CFAP53: variants seen among roughly 807,000 people sequenced by gnomAD.
CFAP53 encodes cilia and flagella associated protein 53, also known as cilia- and flagella-associated protein 53.
Under a neutral mutation model 59.7 loss-of-function variants are expected in CFAP53, and 62 were observed. That is an observed-to-expected ratio of 1.04 (90% CI 0.85 to 1.28). The LOEUF (loss-of-function observed/expected upper bound fraction) is 1.28. CFAP53 is among the 50% of genes most tolerant of loss of function. CFAP53 has a pLI of 0.00. For synonymous variants in CFAP53, 218 were observed against 205.7 expected, an observed-to-expected ratio of 1.06 and a Z score of -0.51; for missense variants, 629 against 615.6, an observed-to-expected ratio of 1.02 and a Z score of -0.23.
In CFAP53 at chr18:50,251,640, C is replaced by T. The variant is rs766385982; in HGVS notation, c.618G>A (p.Glu206=). 20 of 1,614,098 alleles carry T rather than the reference C, an allele frequency of 1.2e-5. No homozygotes were observed. In the South Asian group the frequency reaches 1.8e-4, roughly 14 times the overall value. ...GCTTTTCCTTGGCTAATCGGTCTTC[C>T]TCCCAGAGTTTGGAGAACATCTGCT... is the stretch of plus-strand genomic sequence containing the variant. ...VEEQMFSKLW[E]EDRLAKEKRE... The change falls in exon 4 of 8, where the codon GAG becomes GAA. Residue 206 remains glutamate (E), a synonymous_variant. Transcript: ENST00000398545.
intron 3 of CFAP53, among the ~76,000 whole-genome samples, chr18:50,260,550 A>G (rs2033881460): frequency 6.6e-6 from 1 of 152,186 alleles, no homozygotes; most frequent in Non-Finnish European, 1.5e-5. Context: ...CTATAGTCTC[A>G]GCTACTTGAG....
rs999408027 is a variant in CFAP53 at position 50,253,218 on chromosome 18, G to A, written c.474-1434C>T. 1.1e-4 allele frequency among the ~76,000 whole-genome samples: 16 copies of A among 152,102 alleles called. No individual in the cohort carries two copies. The South Asian group carries it at 2.3e-3, about 22-fold the overall frequency. ...TTTTTAGTGGAGACGGGGTTTCACC[G>A]TGTTACCCAGGATGGTCTTGATCTC... On this transcript the variant is annotated intron_variant, in intron 3 of 7. Transcript: ENST00000398545.
intron 3 of CFAP53, among the ~76,000 whole-genome samples, chr18:50,253,295 C>T (rs2033818794): frequency 6.6e-6 from 1 of 152,128 alleles, no homozygotes; most frequent in Non-Finnish European, 1.5e-5. Flanking sequence ...GGATTACAGG[C>T]GTGAGCCACT....
chr18:50,243,693 T>C (rs1662894), intron 5 of CFAP53, among the ~76,000 whole-genome samples: 48,904 of 151,996 alleles, frequency 0.32, 8,136 homozygotes, highest in African/African-American at 0.4. Flanking sequence ...GGCTCAAGCC[T>C]GTAATCCCAG....
chr18:50,229,719 T>A lies in CFAP53; in HGVS notation c.1317-2110A>T, dbSNP rs1027952908. Among the ~76,000 whole-genome samples the A allele has an allele frequency of 2.1e-5, 3 of 145,882 alleles. No homozygotes were observed. The Admixed American group carries it at 2.2e-4, about 11-fold the overall frequency. On this transcript the variant is annotated intron_variant, in intron 7 of 7. Transcript: ENST00000398545. ...ATAAGCCACATTTTTTTCTTTGTAGTCTCTTTCTTTTTTTCTTTTTCTTTT... is the reference window on the plus strand; with the variant it reads ...ATAAGCCACATTTTTTTCTTTGTAGACTCTTTCTTTTTTTCTTTTTCTTTT...
chr18:50,265,134 GT>G (rs924615642), intron 1 of CFAP53, among the ~76,000 whole-genome samples: 1 of 151,636 alleles, frequency 6.6e-6, no homozygotes, highest in East Asian at 1.9e-4. Flanking sequence ...TTCTACCTAA[GT>G]TTTTTTTTGC....
chr18:50,264,967 T>G (rs1435357616), intron 1 of CFAP53, among the ~76,000 whole-genome samples: 1 of 152,224 alleles, frequency 6.6e-6, no homozygotes, highest in Non-Finnish European at 1.5e-5. Context: ...CTTACAGTAC[T>G]TGGACCTAAA....
chr18:50,265,151 G>C (rs1044659206), intron 1 of CFAP53, among the ~76,000 whole-genome samples: 3 of 151,828 alleles, frequency 2.0e-5, no homozygotes, highest in African/African-American at 7.3e-5. Context: ...TTTGCAATTG[G>C]ATTACAAGTT....
At chr18:50,240,487 C>A (rs953017693) in intron 6 of CFAP53, among the ~76,000 whole-genome samples, 10 of 151,706 alleles carry the variant, frequency 6.6e-5, no homozygotes, top group Non-Finnish European at 8.9e-5. Flanking sequence ...AATGACACAG[C>A]AGCAGGGGCC....
chr18:50,251,470 T>C lies in CFAP53; in HGVS notation c.777+11A>G. The C allele has an allele frequency of 6.2e-7, 1 of 1,608,080 alleles. No individual in the cohort carries two copies. The highest frequency in any genetic ancestry group is 1.1e-5 in the South Asian group (1 of 90,742). On this transcript the variant is annotated intron_variant, in intron 4 of 7. Coordinates refer to ENST00000398545, the MANE Select transcript of CFAP53 (RefSeq NM_145020.5). Reference sequence around the variant, plus strand: ...GTTGATCACCCTCTAACAAGCATTTTAAAGGCCCACCACAAGGCGTGCCTC... The same window carrying C: ...GTTGATCACCCTCTAACAAGCATTTCAAAGGCCCACCACAAGGCGTGCCTC...
Position 50,266,354 on chromosome 18 carries a change from G to A in CFAP53, c.51C>T (p.Thr17=). 2 of 1,614,242 alleles carry A rather than the reference G, an allele frequency of 1.2e-6. No homozygotes were observed. Among genetic ancestry groups the A allele is most frequent in the Non-Finnish European group, 1.7e-6 (2 of 1,180,024 alleles). ...GTVQREVKGP[T]PKVVIVRSKP... Reference sequence around the variant, plus strand: ...TGCTTACCACGATCACCACTTTGGGGGTGGGGCCCTTAACCTCCCGCTGTA... The same window carrying A: ...TGCTTACCACGATCACCACTTTGGGAGTGGGGCCCTTAACCTCCCGCTGTA... Residue 17 remains threonine (T), a synonymous_variant, in exon 1 of 8, where the codon ACC becomes ACT. Coordinates refer to ENST00000398545, the MANE Select transcript of CFAP53 (RefSeq NM_145020.5).
intron 3 of CFAP53, among the ~76,000 whole-genome samples, chr18:50,255,416 C>A (rs969709179): frequency 2.0e-5 from 3 of 152,138 alleles, no homozygotes; most frequent in Non-Finnish European, 4.4e-5. Context: ...CAGAACTCTA[C>A]ACACACCTTC....
intron 7 of CFAP53, among the ~76,000 whole-genome samples, chr18:50,229,987 G>T (rs990009907): frequency 5.3e-5 from 8 of 151,820 alleles, no homozygotes; most frequent in Non-Finnish European, 8.8e-5. Context: ...CAAACTCCTG[G>T]GTTCAAGAGA....
At chr18:50,251,199 A>G (rs1266239441) in intron 4 of CFAP53, among the ~76,000 whole-genome samples, 1 of 152,250 alleles carries the variant, frequency 6.6e-6, no homozygotes, top group Non-Finnish European at 1.5e-5. Flanking sequence ...ATAGTTGTAG[A>G]GTTGAAAACA....
chr18:50,233,546 T>TA (rs1260410920), intron 7 of CFAP53, among the ~76,000 whole-genome samples: 1 of 152,244 alleles, frequency 6.6e-6, no homozygotes, highest in African/African-American at 2.4e-5. Flanking sequence ...TGTGCTAAGG[T>TA]ACTAGGTGTT....
chr18:50,237,850 G>C, intron 7 of CFAP53, among the ~76,000 whole-genome samples: 1 of 152,146 alleles, frequency 6.6e-6, no homozygotes, highest in East Asian at 1.9e-4. Context: ...TTCTAGTGCA[G>C]TAAGGCTAAA....
At chr18:50,228,162 T>C (rs2033545162) in intron 7 of CFAP53, among the ~76,000 whole-genome samples, 1 of 151,924 alleles carries the variant, frequency 6.6e-6, no homozygotes, top group African/African-American at 2.4e-5. Flanking sequence ...TTTCATCATT[T>C]TGGCCAGGCT....
intron 3 of CFAP53, among the ~76,000 whole-genome samples, chr18:50,255,035 C>T (rs1237527453): frequency 6.6e-6 from 1 of 152,182 alleles, no homozygotes; most frequent in African/African-American, 2.4e-5. Context: ...CTAGAAACAA[C>T]CAAAATGTCC....
At chr18:50,248,749 C>A (rs556619167) in intron 5 of CFAP53, among the ~76,000 whole-genome samples, 109 of 148,060 alleles carry the variant, frequency 7.4e-4, no homozygotes, top group Admixed American at 1.6e-3. Context: ...CATGCCACTG[C>A]ACTCCAGCCT....
Sources: allele counts gnomAD v4.1 joint callset (sites outside exome capture counted in the v4.1 genomes callset), GRCh38; gene constraint gnomAD v4.1.1; transcripts MANE v1.5; gene names NCBI Gene and HGNC (gene_info 2026-07-23, HGNC 2026-07-21).